The following ASIC2 variants were observed in gnomAD, a reference collection of about 807,000 sequenced individuals.
ASIC2 encodes acid sensing ion channel subunit 2.
ASIC2 carries 25 observed loss-of-function variants against 57.3 expected under a neutral mutation model. That is an observed-to-expected ratio of 0.44 (90% confidence interval 0.32 to 0.61). ASIC2 has a LOEUF of 0.61. Among genes scored for constraint, ASIC2 ranks in the 20% least tolerant of loss-of-function variants. The probability of loss-of-function intolerance (pLI) is 0.06; values close to 1 mark genes in which losing one functional copy is unlikely to be tolerated. For synonymous variants in ASIC2, 319 were observed against 307.5 expected, an observed-to-expected ratio of 1.04 and a Z score of -0.39; for missense variants, 641 against 738.1, an observed-to-expected ratio of 0.87 and a Z score of 1.52.
chr17:33,035,086 A>G (rs1160422277), intron 3 of ASIC2, among the ~76,000 whole-genome samples: 3 of 152,072 alleles, frequency 2.0e-5, no homozygotes, highest in Non-Finnish European at 2.9e-5. Context: ...TTCATTTATT[A>G]TTTTGTAACC....
chr17:33,871,810 C>T (rs1033220132), intron 1 of ASIC2, among the ~76,000 whole-genome samples: 7 of 152,178 alleles, frequency 4.6e-5, no homozygotes, highest in African/African-American at 7.2e-5. Flanking sequence ...GATGAGCTGG[C>T]GGCAGACAGG....
chr17:33,095,103 C>T (rs191570572), intron 2 of ASIC2, among the ~76,000 whole-genome samples: 1 of 152,300 alleles, frequency 6.6e-6, no homozygotes, highest in East Asian at 1.9e-4. Flanking sequence ...AAGTTCTTAG[C>T]ACAGAGTTTA....
chr17:33,171,295 A>C (rs1464640710), intron 1 of ASIC2, among the ~76,000 whole-genome samples: 1 of 152,212 alleles, frequency 6.6e-6, no homozygotes, highest in Admixed American at 6.5e-5. Flanking sequence ...CAAACTTCTC[A>C]GAATTCTAGA....
chr17:34,102,582 T>C (rs1407739633), intron 1 of ASIC2, among the ~76,000 whole-genome samples: 3 of 152,214 alleles, frequency 2.0e-5, no homozygotes, highest in Non-Finnish European at 4.4e-5. Context: ...TATAGCCTTT[T>C]GTGTTCCTTT....
At chr17:33,980,105 A>AAAT (rs767720094) in intron 1 of ASIC2, among the ~76,000 whole-genome samples, 3 of 152,106 alleles carry the variant, frequency 2.0e-5, no homozygotes, top group Admixed American at 6.6e-5. Context: ...GATAATAGGA[A>AAAT]AATAATAATA....
chr17:33,464,703 A>C (rs1291501018), intron 1 of ASIC2, among the ~76,000 whole-genome samples: 32 of 140,108 alleles, frequency 2.3e-4, no homozygotes, highest in African/African-American at 8.3e-4. Flanking sequence ...ATATATATAT[A>C]TGTATATATA....
At chr17:33,296,232 T>C (rs1478730437), upstream of ASIC2, among the ~76,000 whole-genome samples, 2 of 152,214 alleles carry the variant, frequency 1.3e-5, no homozygotes, top group African/African-American at 2.4e-5. Flanking sequence ...ATTTTTTCTC[T>C]ACTTTAAAGA....
At chr17:34,104,592 T>C (rs971447911) in intron 1 of ASIC2, among the ~76,000 whole-genome samples, 1 of 152,106 alleles carries the variant, frequency 6.6e-6, no homozygotes, top group Non-Finnish European at 1.5e-5. Flanking sequence ...AATAGACTCT[T>C]GCACATGCTC....
chr17:33,418,435 T>G (rs1272269349), intron 1 of ASIC2, among the ~76,000 whole-genome samples: 2 of 152,216 alleles, frequency 1.3e-5, no homozygotes, highest in African/African-American at 2.4e-5. Flanking sequence ...AGTCGTGAAG[T>G]CTTTGCCCAT....
chr17:34,142,037 C>G (rs1271841221), intron 1 of ASIC2, among the ~76,000 whole-genome samples: 1 of 152,194 alleles, frequency 6.6e-6, no homozygotes, highest in African/African-American at 2.4e-5. Flanking sequence ...CCTGAAATAG[C>G]TAACAGGCCC....
intron 1 of ASIC2, among the ~76,000 whole-genome samples, chr17:33,985,424 T>C (rs1306015014): frequency 6.6e-6 from 1 of 152,166 alleles, no homozygotes; most frequent in African/African-American, 2.4e-5. Flanking sequence ...CCTGACATTC[T>C]GCATCTCTAA....
chr17:33,816,605 AGACATCACAT>A (rs1044931988), intron 1 of ASIC2: 16 of 152,286 alleles, frequency 1.1e-4, no homozygotes, highest in African/African-American at 3.9e-4. Flanking sequence ...AACCTACTTC[AGACATCACAT>A]GAAAAAAGTC....
intron 1 of ASIC2, among the ~76,000 whole-genome samples, chr17:33,738,709 G>C (rs1188800620): frequency 6.6e-6 from 1 of 152,120 alleles, no homozygotes; most frequent in Non-Finnish European, 1.5e-5. Context: ...GGGTGGGGAC[G>C]TATAGGCAGA....
At chr17:33,436,850 C>CTTTTTTTTTTTTTT (rs1244300127) in intron 1 of ASIC2, among the ~76,000 whole-genome samples, 1 of 76,038 alleles carries the variant, frequency 1.3e-5, no homozygotes, top group Non-Finnish European at 2.7e-5. Flanking sequence ...CACATTCCAA[C>CTTTTTTTTTTTTTT]TTCTTTTTTT....
chr17:33,931,812 C>T (rs62059917), intron 1 of ASIC2, among the ~76,000 whole-genome samples: 33,483 of 152,090 alleles, frequency 0.22, 4,460 homozygotes, highest in Admixed American at 0.32. Context: ...AGTTTCAGAG[C>T]GGGAGGTGGT....
At chr17:34,095,314 A>C (rs1176337357) in intron 1 of ASIC2, among the ~76,000 whole-genome samples, 1 of 152,120 alleles carries the variant, frequency 6.6e-6, no homozygotes, top group Non-Finnish European at 1.5e-5. Flanking sequence ...TCAGAACAAG[A>C]CTACTCTTGG....
chr17:34,116,154 T>C (rs1911418715), intron 1 of ASIC2, among the ~76,000 whole-genome samples: 1 of 152,218 alleles, frequency 6.6e-6, no homozygotes. Context: ...TCTGAGCACC[T>C]TTCTCCCTCT....
intron 1 of ASIC2, among the ~76,000 whole-genome samples, chr17:33,372,073 A>G (rs1597703209): frequency 6.6e-6 from 1 of 151,904 alleles, no homozygotes; most frequent in Admixed American, 6.6e-5. Context: ...ACTCCCCCAG[A>G]CCCTCTCTGC....
intron 1 of ASIC2, among the ~76,000 whole-genome samples, chr17:33,504,603 G>A (rs778538917): frequency 6.6e-6 from 1 of 152,222 alleles, no homozygotes; most frequent in Non-Finnish European, 1.5e-5. Flanking sequence ...GCCTCCCAAA[G>A]TGCTGGGATT....
Sources: allele counts gnomAD v4.1 joint callset (sites outside exome capture counted in the v4.1 genomes callset), GRCh38; gene constraint gnomAD v4.1.1; transcripts MANE v1.5; gene names NCBI Gene and HGNC (gene_info 2026-07-23, HGNC 2026-07-21).